RNLS: variants seen among roughly 807,000 people sequenced by gnomAD.
The protein encoded by RNLS is renalase.
In RNLS, 39 loss-of-function variants were observed where a neutral mutation model predicts 39.8. The ratio of observed to expected loss-of-function variants is 0.98; its 90% CI spans 0.76 to 1.28. The LOEUF is 1.28. Among genes scored for constraint, RNLS ranks in the 50% most tolerant of loss-of-function variants. RNLS has a pLI of 0.00. For synonymous variants in RNLS, 147 were observed against 150.7 expected (o/e 0.98, Z 0.18); for missense variants, 410 against 413.3 (o/e 0.99, Z 0.07).
intron 6 of RNLS, among the ~76,000 whole-genome samples, chr10:88,297,700 C>T (rs1329833793): frequency 1.3e-5 from 2 of 152,102 alleles, no homozygotes; most frequent in East Asian, 3.9e-4. Flanking sequence ...AATGATATTC[C>T]CCTGTATGGA....
At chr10:88,432,608 C>T (rs1322632478) in intron 4 of RNLS, among the ~76,000 whole-genome samples, 1 of 151,498 alleles carries the variant, frequency 6.6e-6, no homozygotes, top group Admixed American at 6.6e-5. Flanking sequence ...ATTTTATCTC[C>T]TTTGTTGATT....
chr10:88,235,267 CAAAAAAAAA>C, the RNLS span, among the ~76,000 whole-genome samples: 6 of 61,922 alleles, frequency 9.7e-5, no homozygotes, highest in African/African-American at 2.2e-4. Context: ...GACTCTATCT[CAAAAAAAAA>C]AAAAAAAAAA....
the RNLS span, among the ~76,000 whole-genome samples, chr10:88,262,313 G>A: frequency 3.3e-3 from 497 of 152,250 alleles, 4 homozygotes; most frequent in African/African-American, 0.011. Context: ...TTCTGCTGAA[G>A]GAACAATGTT....
At position 88,459,726 on chromosome 10, in the gene RNLS, T is replaced by C. The variant is rs548672513; in HGVS notation, c.527-97001A>G. 4.6e-5 allele frequency among the ~76,000 whole-genome samples: 7 copies of C among 152,296 alleles called. No individual in the cohort carries two copies. The South Asian group carries it at 6.2e-4, about 14-fold the overall frequency. ...TGGCGACGGACAATGTGATGCTCCATTGACTTCTTTCCAGCACAGTTTAAG... is the reference window on the plus strand; with the variant it reads ...TGGCGACGGACAATGTGATGCTCCACTGACTTCTTTCCAGCACAGTTTAAG... On this transcript the variant is annotated intron_variant, in intron 4 of 6. Transcript: ENST00000331772.
chr10:88,486,515 T>C (rs1257251226), intron 4 of RNLS, among the ~76,000 whole-genome samples: 2 of 151,414 alleles, frequency 1.3e-5, no homozygotes, highest in Non-Finnish European at 2.9e-5. Flanking sequence ...TAAACAAATT[T>C]ACAAGAAAAA....
At chr10:88,579,408 G>T (rs1564919243) in intron 3 of RNLS, among the ~76,000 whole-genome samples, 1 of 152,106 alleles carries the variant, frequency 6.6e-6, no homozygotes, top group Non-Finnish European at 1.5e-5. Context: ...GGTTTGGGGG[G>T]AAAAGGGGTT....
intron 6 of RNLS, among the ~76,000 whole-genome samples, chr10:88,297,077 A>G (rs1386766965): frequency 6.6e-6 from 1 of 152,208 alleles, no homozygotes; most frequent in African/African-American, 2.4e-5. Context: ...ACTATTCAGC[A>G]ATTATTAATA....
chr10:88,280,641 G>A (rs780911051), downstream of RNLS, among the ~76,000 whole-genome samples: 6 of 152,136 alleles, frequency 3.9e-5, no homozygotes, highest in Non-Finnish European at 8.8e-5. Flanking sequence ...CTCTACTGCT[G>A]TAGTGCAAAA....
the RNLS span, among the ~76,000 whole-genome samples, chr10:88,263,575 C>T: frequency 3.3e-5 from 5 of 151,960 alleles, no homozygotes; most frequent in Admixed American, 1.3e-4. Context: ...GTTGCCACTG[C>T]TCCCAAGCCC....
intron 4 of RNLS, among the ~76,000 whole-genome samples, chr10:88,421,462 C>T (rs1205390755): frequency 1.3e-5 from 2 of 152,150 alleles, no homozygotes; most frequent in Non-Finnish European, 2.9e-5. Context: ...TGCAGTCACT[C>T]TGTAGGCAGT....
intron 6 of RNLS, among the ~76,000 whole-genome samples, chr10:88,305,568 A>G (rs1448810383): frequency 2.0e-5 from 3 of 152,218 alleles, no homozygotes; most frequent in Non-Finnish European, 4.4e-5. Flanking sequence ...TAAACCAACA[A>G]AGATAAAAAA....
intron 4 of RNLS, among the ~76,000 whole-genome samples, chr10:88,411,511 C>A (rs866307741): frequency 1.3e-5 from 2 of 151,910 alleles, no homozygotes; most frequent in Middle Eastern, 3.4e-3. Flanking sequence ...CTGACTTAAG[C>A]CCCATCTTCT....
chr10:88,426,771 G>A (rs1465201246), intron 4 of RNLS, among the ~76,000 whole-genome samples: 2 of 151,956 alleles, frequency 1.3e-5, no homozygotes, highest in African/African-American at 4.8e-5. Context: ...CAGGGTTCAA[G>A]TTCAGCCCTG....
At chr10:88,338,837 C>G (rs940081915) in intron 5 of RNLS, among the ~76,000 whole-genome samples, 1 of 149,514 alleles carries the variant, frequency 6.7e-6, no homozygotes, top group African/African-American at 2.5e-5. Context: ...TCTCGGCTCA[C>G]TGCAAGCTCC....
intron 4 of RNLS, among the ~76,000 whole-genome samples, chr10:88,523,321 T>C (rs1846877896): frequency 6.6e-6 from 1 of 152,148 alleles, no homozygotes; most frequent in Non-Finnish European, 1.5e-5. Context: ...CTGGATTGTA[T>C]ATTTGCAGGC....
chr10:88,244,727 A>G, the RNLS span, among the ~76,000 whole-genome samples: 33 of 151,644 alleles, frequency 2.2e-4, no homozygotes, highest in African/African-American at 7.3e-4. Context: ...TAAAAGAAGG[A>G]CACACTGTGT....
chr10:88,318,836 C>A (rs1036765706), intron 5 of RNLS, among the ~76,000 whole-genome samples: 4 of 152,204 alleles, frequency 2.6e-5, no homozygotes, highest in African/African-American at 9.7e-5. Flanking sequence ...GGATGAGGAG[C>A]TGGTGCACTT....
intron 5 of RNLS, among the ~76,000 whole-genome samples, chr10:88,348,445 G>C (rs1475127184): frequency 6.6e-6 from 1 of 152,088 alleles, no homozygotes; most frequent in Admixed American, 6.6e-5. Flanking sequence ...CTATCCACAA[G>C]GGAAAATATC....
chr10:88,277,184 G>T (rs1275852776), intron 6 of RNLS, among the ~76,000 whole-genome samples: 3 of 152,186 alleles, frequency 2.0e-5, no homozygotes, highest in Non-Finnish European at 4.4e-5. Flanking sequence ...CAGGGACATG[G>T]ATGAAGCTGG....
Sources: allele counts gnomAD v4.1 joint callset (sites outside exome capture counted in the v4.1 genomes callset), GRCh38; gene constraint gnomAD v4.1.1; transcripts MANE v1.5; gene names NCBI Gene and HGNC (gene_info 2026-07-23, HGNC 2026-07-21).